The following ARHGEF18 variants were observed in gnomAD, a reference collection of about 807,000 sequenced individuals.
The protein encoded by ARHGEF18 is rho guanine nucleotide exchange factor 18.
Under a neutral mutation model 155.7 loss-of-function variants are expected in ARHGEF18, and 93 were observed. The observed-to-expected ratio is 0.60, with a 90% confidence interval of 0.50 to 0.71. The LOEUF (loss-of-function observed/expected upper bound fraction) is 0.71. ARHGEF18 is among the 30% of genes least tolerant of loss of function. The probability of loss-of-function intolerance (pLI) is 0.00; values close to 1 mark genes in which losing one functional copy is unlikely to be tolerated. For missense variants in ARHGEF18, 1,593 were observed against 1,816.1 expected (o/e 0.88, Z 2.23); for synonymous variants, 742 against 753.1 (o/e 0.99, Z 0.24).
chr19:7,375,281 AAAAGAAAGAAAAG>A (rs1387879886), intron 3 of ARHGEF18, among the ~76,000 whole-genome samples: 1,613 of 143,464 alleles, frequency 0.011, 24 homozygotes, highest in Non-Finnish European at 0.019. Context: ...CAAAAAAAAA[AAAAGAAAGAAAAG>A]AAAGAAAGAA....
At chr19:7,445,095 G>A (rs1008831113) in intron 14 of ARHGEF18, among the ~76,000 whole-genome samples, 2 of 152,156 alleles carry the variant, frequency 1.3e-5, no homozygotes, top group African/African-American at 4.8e-5. Flanking sequence ...CTGTGCTCTT[G>A]TTTGGTTGGT....
intron 10 of ARHGEF18, chr19:7,439,842 T>G (rs1974510612): frequency 6.9e-7 from 1 of 1,442,504 alleles, no homozygotes. Flanking sequence ...GCTCACTTGC[T>G]TTTTACACCC....
chr19:7,364,038 GATAA>G (rs758359760), intron 2 of ARHGEF18, among the ~76,000 whole-genome samples: 10 of 43,692 alleles, frequency 2.3e-4, no homozygotes, highest in African/African-American at 3.7e-4. Context: ...AAGGAGGATG[GATAA>G]ATGAATGAAT....
chr19:7,369,322 G>A (rs528042395), intron 2 of ARHGEF18, among the ~76,000 whole-genome samples: 4 of 152,142 alleles, frequency 2.6e-5, no homozygotes, highest in South Asian at 2.1e-4. Context: ...TTAGCTGGGC[G>A]TGGTGGCACA....
chr19:7,384,457 G>GC (rs1970892790), intron 10 of ARHGEF18, among the ~76,000 whole-genome samples: 1 of 152,234 alleles, frequency 6.6e-6, no homozygotes, highest in South Asian at 2.1e-4. Flanking sequence ...TGAGCAACGT[G>GC]CCTTGCAGGT....
intron 3 of ARHGEF18, among the ~76,000 whole-genome samples, chr19:7,375,358 G>GAAGGAAGGAAGGAAGGAAGAAAGAA (rs1970402691): frequency 9.2e-6 from 1 of 108,386 alleles, no homozygotes; most frequent in Non-Finnish European, 1.7e-5. Context: ...GAAAGAAAAG[G>GAAGGAAGGAAGGAAGGAAGAAAGAA]AAGGAAGGAA....
intron 8 of ARHGEF18, among the ~76,000 whole-genome samples, chr19:7,381,634 C>T (rs748358573): frequency 2.8e-4 from 42 of 151,720 alleles, no homozygotes; most frequent in African/African-American, 8.7e-4. Context: ...GCCAAGATCA[C>T]GCCCTTGCAC....
chr19:7,478,452 A>G, the ARHGEF18 span: 2 of 1,456,322 alleles, frequency 1.4e-6, no homozygotes, highest in Non-Finnish European at 1.9e-6. Context: ...GGCCCCGGAC[A>G]TACAGTCTGG....
chr19:7,440,258 G>A lies in ARHGEF18; in HGVS notation c.968-86G>A. The A allele has an allele frequency of 6.4e-7, 1 of 1,555,522 alleles. No individual in the cohort carries two copies. Among genetic ancestry groups the A allele is most frequent in the South Asian group, 1.2e-5 (1 of 84,724 alleles). ...CCAAGATCCTGTCTGTGCTGCGGCC[G>A]CAGTCGGAGCGGGGCTTCCGCGCCG... is the stretch of plus-strand genomic sequence containing the variant. On this transcript the variant is annotated intron_variant, in intron 10 of 28. Coordinates refer to ENST00000668164, the MANE Select transcript of ARHGEF18 (RefSeq NM_001367823.1). The surrounding 1 kb of genome is among the most constrained non-coding windows in gnomAD (Gnocchi z 5.4).
At position 7,456,372 on chromosome 19, in the gene ARHGEF18, A is replaced by G. The variant is rs1975828754; in HGVS notation, c.2150A>G (p.Glu717Gly). The change falls in exon 18 of 29, where the codon GAA becomes GGA. Residue 717 changes from glutamate (E) to glycine (G), a missense_variant. Transcript: ENST00000668164. ...ACCGACGTACTTTTGCTGCTACAAG[A>G]AAAAGATCAGAAATACGTCTTTGCT... ...LLTDVLLLLQ[E>G]KDQKYVFASV... The G allele has an allele frequency of 6.8e-6, 11 of 1,614,156 alleles. No homozygotes were observed. The East Asian group carries it at 2.5e-4, about 36-fold the overall frequency.
chr19:7,419,969 C>T (rs1190323535), intron 10 of ARHGEF18, among the ~76,000 whole-genome samples: 1 of 113,366 alleles, frequency 8.8e-6, no homozygotes, highest in Non-Finnish European at 1.6e-5. Flanking sequence ...CCCTCATACC[C>T]CAGGTGCGCC....
chr19:7,384,137 A>G (rs911707888), intron 10 of ARHGEF18, among the ~76,000 whole-genome samples: 2 of 152,182 alleles, frequency 1.3e-5, no homozygotes, highest in African/African-American at 4.8e-5. Flanking sequence ...AACTCAGGCT[A>G]GTTCACAGTT....
intron 6 of ARHGEF18, 39 bp from the exon 7 acceptor site, chr19:7,379,083 C>T (rs1053234880): frequency 1.1e-5 from 14 of 1,231,376 alleles, no homozygotes; most frequent in East Asian, 3.2e-5. Flanking sequence ...TAACCTGGAG[C>T]TACCATGGGC....
intron 1 of ARHGEF18, among the ~76,000 whole-genome samples, chr19:7,355,993 CA>C (rs1403038093): frequency 6.6e-6 from 1 of 152,184 alleles, no homozygotes; most frequent in African/African-American, 2.4e-5. Flanking sequence ...CTGAACTCCT[CA>C]GGGGCAGCCC....
rs765477049 is a variant in ARHGEF18, at chr19:7,464,601, C to G, written c.2815C>G (p.Pro939Ala). 1 of 1,613,916 alleles carries G rather than the reference C, an allele frequency of 6.2e-7. No individual in the cohort carries two copies. The highest frequency in any genetic ancestry group is 8.5e-7 in the Non-Finnish European group (1 of 1,179,968). Residue 939 changes from proline (P) to alanine (A), a missense_variant, in exon 23 of 29, where the codon CCC becomes GCC. Physicochemically the swap from Pro to Ala is conservative, Grantham distance 27. Transcript: ENST00000668164. The stretch of plus-strand genomic sequence containing the variant: ...GAAAGTCAGCAGCACTGACCCCAGG[C>G]CCCGAGACTGGCGAGGCCCCCCAAA... Reference protein sequence around the residue: ...KKKVSSTDPRPRDWRGPPNSP... With the variant: ...KKKVSSTDPRARDWRGPPNSP...
chr19:7,362,098 A>G lies in ARHGEF18; in HGVS notation c.-110-683A>G, dbSNP rs1374203308. On this transcript the variant is annotated intron_variant, in intron 1 of 28. Coordinates refer to ENST00000668164, the MANE Select transcript of ARHGEF18 (RefSeq NM_001367823.1). ...GAAGGAGAAGGAGAAGGAGAAGGAG[A>G]AGGAGAAGGAGAAGGAGAAGGAGAA... is the stretch of plus-strand genomic sequence containing the variant. 2.4e-3 allele frequency among the ~76,000 whole-genome samples: 51 copies of G among 21,444 alleles called. 4 individuals are homozygous for G. The East Asian group carries it at 0.037, about 16-fold the overall frequency. The allele number at this position is 21,444 out of a possible 152,430, so 14.1% of individuals were successfully genotyped here. A position where few individuals can be genotyped will look rare whatever the true frequency, so the allele number is the denominator to read the frequency against.
At chr19:7,442,344 C>T (rs927061809) in intron 13 of ARHGEF18, among the ~76,000 whole-genome samples, 2 of 152,090 alleles carry the variant, frequency 1.3e-5, no homozygotes, top group Non-Finnish European at 2.9e-5. Flanking sequence ...AACAATCCTC[C>T]CACCTCAGCC....
intron 1 of ARHGEF18, chr19:7,355,572 G>A (rs1359002412): frequency 9.2e-6 from 9 of 976,174 alleles, no homozygotes; most frequent in Non-Finnish European, 1.1e-5. Context: ...GCCCCATCCT[G>A]GCAGGGATTC....
At chr19:7,414,301 TG>T (rs1972869242) in intron 10 of ARHGEF18, among the ~76,000 whole-genome samples, 1 of 152,048 alleles carries the variant, frequency 6.6e-6, no homozygotes, top group African/African-American at 2.4e-5. Flanking sequence ...AAGTACAGGA[TG>T]GGGAAATAGA....
Sources: gnomAD v4.1 joint callset for allele counts (sites outside exome capture counted in the v4.1 genomes callset) on GRCh38, gnomAD v4.1.1 for gene constraint, Gnocchi (gnomAD v3.1) non-coding constraint, MANE v1.5 for transcripts, NCBI Gene and HGNC (gene_info 2026-07-23, HGNC 2026-07-21) for gene names.